Variants in FAM193B observed in about 807,000 individuals in gnomAD.
The protein encoded by FAM193B is family with sequence similarity 193 member B, also known as protein FAM193B.
A neutral mutation model predicts 70.7 loss-of-function variants in FAM193B; 27 were observed. The ratio of observed to expected loss-of-function variants is 0.38; its 90% CI spans 0.28 to 0.53. The LOEUF (loss-of-function observed/expected upper bound fraction) is 0.53. Among genes scored for constraint, FAM193B ranks in the 20% least tolerant of loss-of-function variants. The pLI is 0.81. For synonymous variants in FAM193B, 448 were observed against 436.0 expected, an observed-to-expected ratio of 1.03 and a Z score of -0.34; for missense variants, 1,022 against 1,072.5, an observed-to-expected ratio of 0.95 and a Z score of 0.66.
intron 5 of FAM193B, among the ~76,000 whole-genome samples, chr5:177,528,830 C>T (rs1314701943): frequency 3.9e-5 from 6 of 152,160 alleles, no homozygotes; most frequent in Non-Finnish European, 7.3e-5. Flanking sequence ...ACTCGGCAAT[C>T]GGGAGCCCAC....
chr5:177,527,880 C>T (rs1762856657), intron 5 of FAM193B, among the ~76,000 whole-genome samples: 1 of 152,204 alleles, frequency 6.6e-6, no homozygotes, highest in Non-Finnish European at 1.5e-5. Context: ...AGAAAGACAA[C>T]AAGCTGAACT....
At chr5:177,528,994 A>G (rs1258693973) in intron 5 of FAM193B, among the ~76,000 whole-genome samples, 1 of 152,122 alleles carries the variant, frequency 6.6e-6, no homozygotes, top group Non-Finnish European at 1.5e-5. Flanking sequence ...TGAGTGAGTG[A>G]GTGATGGGTC....
intron 1 of FAM193B, among the ~76,000 whole-genome samples, chr5:177,551,117 G>C (rs1156241815): frequency 1.3e-5 from 2 of 152,110 alleles, no homozygotes; most frequent in African/African-American, 4.8e-5. Context: ...TTACAGGCGT[G>C]AGCCACCAAG....
chr5:177,554,038 G>C (rs1242138192), intron 1 of FAM193B: 3 of 1,340,146 alleles, frequency 2.2e-6, no homozygotes, highest in East Asian at 3.3e-5. Context: ...CTTCAGCCTA[G>C]TCGCAGGAGC....
intron 1 of FAM193B, 194 bp downstream of exon 1, chr5:177,554,055 C>G: frequency 7.4e-7 from 1 of 1,349,110 alleles, no homozygotes; most frequent in Non-Finnish European, 9.5e-7. Context: ...GAGCGCGGAC[C>G]GAGCCTCGGC....
chr5:177,522,159 T>A, intron 7 of FAM193B, 88 bp from the exon 8 acceptor site: 2 of 1,045,860 alleles, frequency 1.9e-6, no homozygotes, highest in Non-Finnish European at 2.9e-6. Context: ...TCCCCATCAC[T>A]AAGAGACCAG....
At chr5:177,541,252 G>A (rs1238231169) in intron 1 of FAM193B, among the ~76,000 whole-genome samples, 2 of 152,152 alleles carry the variant, frequency 1.3e-5, no homozygotes, top group African/African-American at 2.4e-5. Flanking sequence ...CCATAGCTAC[G>A]AAGTGCCACA....
chr5:177,528,753 G>A (rs1462400083), intron 5 of FAM193B, among the ~76,000 whole-genome samples: 2 of 152,224 alleles, frequency 1.3e-5, no homozygotes, highest in Non-Finnish European at 2.9e-5. Context: ...GAAGGACTGT[G>A]GGGAATGGAC....
Position 177,532,387 on chromosome 5 carries a change from C to T in FAM193B, c.1275+56G>A. 1 of 1,560,530 alleles carries T rather than the reference C, an allele frequency of 6.4e-7. No individual in the cohort carries two copies. Among genetic ancestry groups the T allele is most frequent in the Non-Finnish European group, 8.6e-7 (1 of 1,156,270 alleles). On this transcript the variant is annotated intron_variant, in intron 5 of 8. Coordinates refer to ENST00000514747, the MANE Select transcript of FAM193B (RefSeq NM_001190946.3). This position sits in a 1 kb window ranked among gnomAD's most constrained non-coding sequence, Gnocchi z 4.9. Reference sequence around the variant, plus strand: ...GGTCTCTGGGGAGAGCAGGGTGCTCCTTTTGCTCACCTTGGCTGGCCCCCA... The same window carrying T: ...GGTCTCTGGGGAGAGCAGGGTGCTCTTTTTGCTCACCTTGGCTGGCCCCCA...
Position 177,537,859 on chromosome 5 carries a change from G to T in FAM193B, c.688+14C>A. 1 of 1,602,584 alleles carries T rather than the reference G, an allele frequency of 6.2e-7. No homozygotes were observed. The highest frequency in any genetic ancestry group is 1.1e-5 in the South Asian group (1 of 89,622). ...TTTATAGGGCCTGGCTCTCTCCCGA[G>T]CCTGGAGACTCACCGGGGATGGTAG... On this transcript the variant is annotated intron_variant, in intron 3 of 8. Coordinates refer to ENST00000514747, the MANE Select transcript of FAM193B (RefSeq NM_001190946.3).
At position 177,525,039 on chromosome 5, in the gene FAM193B, G is replaced by C. The variant is rs766758316; in HGVS notation, c.1442C>G (p.Thr481Ser). ...LSSRLQEIKN[T>S]VKDSIRASFS... is the part of the protein sequence containing the mutation. ...GCTGGCACGGATGGAGTCTTTGACAGTGTTTTTGATCTCCTGCAGACGGCT... is the reference window on the plus strand; with the variant it reads ...GCTGGCACGGATGGAGTCTTTGACACTGTTTTTGATCTCCTGCAGACGGCT... Residue 481 changes from threonine (T) to serine (S), a missense_variant, in exon 6 of 9, where the codon ACT (threonine) becomes AGT (serine). Coordinates refer to ENST00000514747, the MANE Select transcript of FAM193B (RefSeq NM_001190946.3). 1 of 1,582,844 alleles carries C rather than the reference G, an allele frequency of 6.3e-7. No individual in the cohort carries two copies. Among genetic ancestry groups the C allele is most frequent in the Non-Finnish European group, 8.6e-7 (1 of 1,166,924 alleles).
intron 1 of FAM193B, among the ~76,000 whole-genome samples, chr5:177,547,707 C>A (rs1263739161): frequency 6.6e-6 from 1 of 152,210 alleles, no homozygotes; most frequent in Non-Finnish European, 1.5e-5. Context: ...GTTTGCAGTT[C>A]CACCAGCCCC....
chr5:177,545,743 C>G (rs916562121), intron 1 of FAM193B, among the ~76,000 whole-genome samples: 1 of 151,902 alleles, frequency 6.6e-6, no homozygotes, highest in Admixed American at 6.6e-5. Flanking sequence ...TTGGGAATAA[C>G]CCATTGCCAG....
At chr5:177,553,633 T>A in intron 1 of FAM193B, 1 of 1,252,678 alleles carries the variant, frequency 8.0e-7, no homozygotes, top group Non-Finnish European at 1.0e-6. Context: ...TGGGCTGCCT[T>A]GCGGAGCAGG....
chr5:177,553,982 G>A (rs1443861437), intron 1 of FAM193B: 1 of 1,267,126 alleles, frequency 7.9e-7, no homozygotes, highest in Non-Finnish European at 1.0e-6. Flanking sequence ...GTCCCAGTGT[G>A]GGTGTACGGC....
intron 1 of FAM193B, among the ~76,000 whole-genome samples, chr5:177,548,650 CTG>C (rs993639906): frequency 6.6e-6 from 1 of 152,148 alleles, no homozygotes; most frequent in Non-Finnish European, 1.5e-5. Flanking sequence ...GAGACTGACT[CTG>C]TAAGTCTGGG....
At chr5:177,536,838 T>C in intron 3 of FAM193B, 93 bp from the exon 4 acceptor site, 1 of 1,474,944 alleles carries the variant, frequency 6.8e-7, no homozygotes, top group Non-Finnish European at 9.0e-7. Context: ...CCTGCTTCTG[T>C]GACAAGAGGG....
chr5:177,532,695 G>A lies in FAM193B; in HGVS notation c.1077-54C>T. On this transcript the variant is annotated intron_variant, in intron 4 of 8. Transcript: ENST00000514747. This position sits in a 1 kb window ranked among gnomAD's most constrained non-coding sequence, Gnocchi z 4.9. ...GAGGCAGGGTGATGCAGAAACCCAGGAAGCATCCCAACCACCACCTGCCAT... is the reference window on the plus strand; with the variant it reads ...GAGGCAGGGTGATGCAGAAACCCAGAAAGCATCCCAACCACCACCTGCCAT... The A allele has an allele frequency of 7.0e-7, 1 of 1,432,828 alleles. No homozygotes were observed. The highest frequency in any genetic ancestry group is 2.5e-4 in the Middle Eastern group (1 of 3,984). 88.8% of individuals were successfully genotyped at this position (1,432,828 alleles called of 1,614,324 possible). A position where few individuals can be genotyped will look rare whatever the true frequency, so the allele number is the denominator to read the frequency against.
chr5:177,537,806 A>G (rs1032452679), intron 3 of FAM193B, 67 bp downstream of exon 3: 1 of 1,512,284 alleles, frequency 6.6e-7, no homozygotes, highest in Non-Finnish European at 8.9e-7. Flanking sequence ...GTTTGAACAA[A>G]GTGGATAGGA....
Sources: gnomAD v4.1 joint callset for allele counts (sites outside exome capture counted in the v4.1 genomes callset) on GRCh38, gnomAD v4.1.1 for gene constraint, Gnocchi (gnomAD v3.1) non-coding constraint, MANE v1.5 for transcripts, NCBI Gene and HGNC (gene_info 2026-07-23, HGNC 2026-07-21) for gene names.